Variants in TIMM9 observed in about 807,000 individuals in gnomAD.
TIMM9 encodes the protein mitochondrial import inner membrane translocase subunit Tim9.
TIMM9 carries 10 observed loss-of-function variants against 13.4 expected under a neutral mutation model. The observed-to-expected ratio is 0.75, with a 90% CI of 0.46 to 1.26. TIMM9 has a LOEUF of 1.26. Ranked by LOEUF, TIMM9 falls within the 50% of genes most tolerant of loss-of-function variation. The pLI is 0.00. For missense variants in TIMM9, 87 were observed against 100.8 expected (o/e 0.86, Z 0.58); for synonymous variants, 32 against 32.1 (o/e 1.00, Z 0.01).
At chr14:58,419,269 C>G (rs1322651655) in intron 3 of TIMM9, among the ~76,000 whole-genome samples, 2 of 151,982 alleles carry the variant, frequency 1.3e-5, no homozygotes, top group African/African-American at 4.8e-5. Flanking sequence ...ACCTGGGCAA[C>G]ACAGCGAGAC....
intron 2 of TIMM9, among the ~76,000 whole-genome samples, chr14:58,424,502 C>A (rs983295674): frequency 6.6e-6 from 1 of 152,162 alleles, no homozygotes; most frequent in African/African-American, 2.4e-5. Flanking sequence ...CTATTTAAGA[C>A]CTATAAAATG....
Position 58,408,926 on chromosome 14 carries a change from T to C in TIMM9, c.*108A>G. 7 of 1,478,654 alleles carry C rather than the reference T, an allele frequency of 4.7e-6. No homozygotes were observed. The highest frequency in any genetic ancestry group is 6.3e-6 in the Non-Finnish European group (7 of 1,105,034). The allele number at this position is 1,478,654 out of a possible 1,614,324, so 91.6% of individuals were successfully genotyped here. The stretch of plus-strand genomic sequence containing the variant: ...TTTGCCAAACAGTCATGACAGATGG[T>C]TGAACATGGTGGCTACTGCTTTCAG... On this transcript the variant is annotated 3_prime_UTR_variant, in exon 6 of 6. Coordinates refer to ENST00000395159, the MANE Select transcript of TIMM9 (RefSeq NM_012460.4).
intron 3 of TIMM9, among the ~76,000 whole-genome samples, chr14:58,420,731 T>TG (rs2036563924): frequency 6.8e-6 from 1 of 147,762 alleles, no homozygotes; most frequent in African/African-American, 2.5e-5. Context: ...AGGTGGAGGT[T>TG]GCAGTGAGCC....
Position 58,408,562 on chromosome 14 carries a change from T to G in TIMM9, c.*472A>C. The G allele has an allele frequency of 6.2e-7, 1 of 1,614,066 alleles. No individual in the cohort carries two copies. Among genetic ancestry groups the G allele is most frequent in the East Asian group, 2.2e-5 (1 of 44,874 alleles). ...GGCAGACATGAATGAACAGGACTGC[T>G]TGGAGGATGATCCTGATTGAAAAAC... On this transcript the variant is annotated 3_prime_UTR_variant, in exon 6 of 6. Transcript: ENST00000395159.
intron 3 of TIMM9, among the ~76,000 whole-genome samples, chr14:58,421,515 C>T (rs1006186884): frequency 6.6e-6 from 1 of 152,150 alleles, no homozygotes; most frequent in South Asian, 2.1e-4. Flanking sequence ...GTAAAGGACA[C>T]AGGGGACCTT....
rs184607846 is a variant in TIMM9, at chr14:58,410,963, T to C, written c.40-25A>G. 5.8e-6 allele frequency: 9 copies of C among 1,542,326 alleles called. No individual in the cohort carries two copies. In the African/African-American group the frequency reaches 1.2e-4, roughly 21 times the overall value. ...ACTACAAACAAACCAGAATGTTCTTTAGTATTTGGTTTTTAAAACAAAGAT... is the reference window on the plus strand; with the variant it reads ...ACTACAAACAAACCAGAATGTTCTTCAGTATTTGGTTTTTAAAACAAAGAT... On this transcript the variant is annotated intron_variant, in intron 4 of 5. Transcript: ENST00000395159.
At chr14:58,420,685 C>T (rs766589395) in intron 3 of TIMM9, among the ~76,000 whole-genome samples, 2 of 148,862 alleles carry the variant, frequency 1.3e-5, no homozygotes, top group African/African-American at 2.5e-5. Context: ...CCCAGCTACT[C>T]GGGTGGCTGA....
At chr14:58,417,499 A>T (rs1595021195) in intron 3 of TIMM9, among the ~76,000 whole-genome samples, 1 of 2,430 alleles carries the variant, frequency 4.1e-4, no homozygotes, top group South Asian at 0.1. Context: ...AGACCCTGTT[A>T]AAAAAAAAAA....
chr14:58,408,753 A>C lies in TIMM9; in HGVS notation c.*281T>G. 1 of 729,048 alleles carries C rather than the reference A, an allele frequency of 1.4e-6. No individual in the cohort carries two copies. The allele number at this position is 729,048 out of a possible 1,614,324, so 45.2% of individuals were successfully genotyped here. On this transcript the variant is annotated 3_prime_UTR_variant, in exon 6 of 6. Transcript: ENST00000395159. Reference sequence around the variant, plus strand: ...AAAATTAACAGTCACAATTGAAGAAACAATGGTTTATTTTTCTAATCAAGT... The same window carrying C: ...AAAATTAACAGTCACAATTGAAGAACCAATGGTTTATTTTTCTAATCAAGT...
At chr14:58,412,156 T>A (rs1352269326) in intron 3 of TIMM9, 185 bp from the exon 4 acceptor site, 1 of 498,492 alleles carries the variant, frequency 2.0e-6, no homozygotes, top group Non-Finnish European at 3.6e-6. Flanking sequence ...TTTTCTTTTT[T>A]TTTTTGAGAC....
chr14:58,409,646 T>C (rs904604237), intron 5 of TIMM9, among the ~76,000 whole-genome samples: 3 of 151,872 alleles, frequency 2.0e-5, no homozygotes, highest in Non-Finnish European at 2.9e-5. Flanking sequence ...TGGCGTGATC[T>C]CGGCTCACTG....
intron 3 of TIMM9, among the ~76,000 whole-genome samples, chr14:58,415,658 A>G (rs1013203108): frequency 2.0e-5 from 3 of 152,250 alleles, no homozygotes; most frequent in African/African-American, 7.2e-5. Context: ...TTCAACCTGA[A>G]TTACAGAGAA....
At chr14:58,422,774 G>T (rs2036625831) in intron 3 of TIMM9, among the ~76,000 whole-genome samples, 1 of 151,966 alleles carries the variant, frequency 6.6e-6, no homozygotes, top group South Asian at 2.1e-4. Context: ...ACTCAATTGT[G>T]TATTTTATTT....
intron 4 of TIMM9, 123 bp downstream of exon 4, chr14:58,411,784 A>G (rs1595009950): frequency 1.2e-6 from 1 of 828,280 alleles, no homozygotes; most frequent in East Asian, 2.5e-5. Flanking sequence ...TGATCCACCC[A>G]CCTGGGCCTC....
intron 5 of TIMM9, 53 bp downstream of exon 5, chr14:58,410,790 C>T (rs2036189836): frequency 1.6e-6 from 2 of 1,255,796 alleles, no homozygotes; most frequent in Non-Finnish European, 2.3e-6. Context: ...GGGGATCCTA[C>T]TTAGAGTGTT....
rs1239438177 is a variant in TIMM9 at position 58,408,599 on chromosome 14, T to C, written c.*435A>G. On this transcript the variant is annotated 3_prime_UTR_variant, in exon 6 of 6. Transcript: ENST00000395159. ...CCTGATTGAAAAACATTTCAACGTA[T>C]CCACAGTCCAGTGAGAATACTATGG... 1 of 1,611,586 alleles carries C rather than the reference T, an allele frequency of 6.2e-7. No individual in the cohort carries two copies.
intron 3 of TIMM9, among the ~76,000 whole-genome samples, chr14:58,420,078 C>A (rs1195201176): frequency 1.3e-5 from 2 of 152,164 alleles, no homozygotes; most frequent in Non-Finnish European, 1.5e-5. Flanking sequence ...GCGTAAGCCA[C>A]CATGATTGGC....
rs1279389607 is a variant in TIMM9, at chr14:58,422,805, G to GATTT, written c.-27+1199_-27+1202dup. On this transcript the variant is annotated intron_variant, in intron 3 of 5. Transcript: ENST00000395159. ...TATTTATTTATTTACTTATTTTTGA[G>GATTT]ATTTATTTATTTATTTATTTTTGAG... is the stretch of plus-strand genomic sequence containing the variant. Among the ~76,000 whole-genome samples the GATTT allele has an allele frequency of 9.2e-5, 14 of 151,824 alleles. No homozygotes were observed. In the East Asian group the frequency reaches 9.7e-4, roughly 10 times the overall value.
chr14:58,416,164 G>A (rs2036403178), intron 3 of TIMM9, among the ~76,000 whole-genome samples: 2 of 152,062 alleles, frequency 1.3e-5, no homozygotes, highest in South Asian at 4.1e-4. Context: ...GGAGGCAGAG[G>A]TTGCAGTGAG....
Sources: gnomAD v4.1 joint callset for allele counts (sites outside exome capture counted in the v4.1 genomes callset) on GRCh38, gnomAD v4.1.1 for gene constraint, MANE v1.5 for transcripts, NCBI Gene and HGNC (gene_info 2026-07-23, HGNC 2026-07-21) for gene names.